The following NEURL1 variants were observed in gnomAD, a reference collection of about 807,000 sequenced individuals.
The protein encoded by NEURL1 is E3 ubiquitin-protein ligase NEURL1.
A neutral mutation model predicts 41.2 loss-of-function variants in NEURL1; 26 were observed. The observed-to-expected ratio is 0.63, with a 90% confidence interval of 0.46 to 0.87. The LOEUF (loss-of-function observed/expected upper bound fraction) is 0.87, where lower values mean the gene tolerates loss of function less well. Among genes scored for constraint, NEURL1 ranks in the 40% least tolerant of loss-of-function variants. The probability of loss-of-function intolerance (pLI) is 0.00; values close to 1 mark genes in which losing one functional copy is unlikely to be tolerated. For synonymous variants in NEURL1, 400 were observed against 402.3 expected (o/e 0.99, Z 0.07); for missense variants, 761 against 871.1 (o/e 0.87, Z 1.59).
chr10:103,504,303 T>C (rs1352757825), intron 1 of NEURL1, among the ~76,000 whole-genome samples: 2 of 152,174 alleles, frequency 1.3e-5, no homozygotes, highest in Non-Finnish European at 2.9e-5. Flanking sequence ...TTGTCATGTT[T>C]TCTTAGTCTC....
intron 3 of NEURL1, among the ~76,000 whole-genome samples, chr10:103,575,894 A>C (rs550558445): frequency 1.3e-5 from 2 of 152,380 alleles, no homozygotes; most frequent in Admixed American, 1.3e-4. Context: ...CTCCTATCCC[A>C]GTATCTCAAG....
rs2035395593 is a variant in NEURL1, at chr10:103,565,277, C to G, written c.86-5595C>G. ...ACCAGAGAGGCTTTTCAAGTGGTCT[C>G]CCCAGAGGTGGCTCAGTGGGTGATG... On this transcript the variant is annotated intron_variant, in intron 1 of 5. Transcript: ENST00000369780. Among the ~76,000 whole-genome samples the G allele has an allele frequency of 3.3e-5, 5 of 152,300 alleles. No individual in the cohort carries two copies. In the South Asian group the frequency reaches 1.0e-3, roughly 32 times the overall value.
At chr10:103,586,777 G>A (rs1219461002) in intron 4 of NEURL1, among the ~76,000 whole-genome samples, 6 of 152,112 alleles carry the variant, frequency 3.9e-5, no homozygotes, top group African/African-American at 9.7e-5. Context: ...GCCTGGGTGC[G>A]GTGGCTCACA....
At chr10:103,516,772 C>A (rs892875017) in intron 1 of NEURL1, among the ~76,000 whole-genome samples, 1 of 152,112 alleles carries the variant, frequency 6.6e-6, no homozygotes, top group African/African-American at 2.4e-5. Flanking sequence ...CCTCAGGGGA[C>A]CTGGAATAAC....
intron 3 of NEURL1, among the ~76,000 whole-genome samples, chr10:103,578,271 T>C (rs1564829662): frequency 1.3e-5 from 2 of 152,208 alleles, no homozygotes; most frequent in African/African-American, 4.8e-5. Context: ...TAAAAAGGAA[T>C]ACCTAATTTA....
intron 4 of NEURL1, among the ~76,000 whole-genome samples, chr10:103,586,828 T>C (rs1451437043): frequency 6.6e-6 from 1 of 152,092 alleles, no homozygotes; most frequent in Non-Finnish European, 1.5e-5. Flanking sequence ...GCAGATGTAT[T>C]GCTTGAGGCC....
At chr10:103,571,952 C>A in intron 3 of NEURL1, 130 bp downstream of exon 3, 2 of 924,936 alleles carry the variant, frequency 2.2e-6, no homozygotes, top group African/African-American at 1.7e-5. Context: ...GGAACCGGGG[C>A]AGCCCTGGGA....
intron 1 of NEURL1, among the ~76,000 whole-genome samples, chr10:103,553,618 C>T (rs923376214): frequency 6.6e-6 from 1 of 152,216 alleles, no homozygotes; most frequent in African/African-American, 2.4e-5. Context: ...CCCTCCTAAC[C>T]GCTTCCCCAG....
At chr10:103,540,085 C>A (rs2034787022) in intron 1 of NEURL1, among the ~76,000 whole-genome samples, 1 of 152,174 alleles carries the variant, frequency 6.6e-6, no homozygotes, top group Non-Finnish European at 1.5e-5. Context: ...AAAGAAAACA[C>A]TTAATATATT....
In NEURL1 at chr10:103,591,625, G is replaced by A. The variant is rs4917395; in HGVS notation, c.*1253G>A. On this transcript the variant is annotated 3_prime_UTR_variant, in exon 6 of 6. Coordinates refer to ENST00000369780, the MANE Select transcript of NEURL1 (RefSeq NM_004210.5). Reference sequence around the variant, plus strand: ...CCATAAGGAGGGGCCAAATTGGGAGGCCTTTTGGCAAACAGTGTCTATTTT... The same window carrying A: ...CCATAAGGAGGGGCCAAATTGGGAGACCTTTTGGCAAACAGTGTCTATTTT... The A allele has an allele frequency of 0.28, 42,161 of 152,078 alleles. 6,338 individuals are homozygous for A. Among genetic ancestry groups the A allele is most frequent in the East Asian group, 0.45 (2,325 of 5,152 alleles). The allele number at this position is 152,078 out of a possible 1,614,324, so 9.4% of individuals were successfully genotyped here.
At position 103,559,726 on chromosome 10, in the gene NEURL1, G is replaced by A. The variant is rs945541167; in HGVS notation, c.86-11146G>A. 2.6e-5 allele frequency among the ~76,000 whole-genome samples: 4 copies of A among 152,268 alleles called. No homozygotes were observed. The South Asian group carries it at 6.2e-4, about 24-fold the overall frequency. ...GGAAGGATTAAGTGAGCCAGTGGAC[G>A]CTAAGGGCAGTACACCTGGTACATA... On this transcript the variant is annotated intron_variant, in intron 1 of 5. Transcript: ENST00000369780.
chr10:103,539,516 T>C (rs1463157281), intron 1 of NEURL1, among the ~76,000 whole-genome samples: 2 of 152,220 alleles, frequency 1.3e-5, no homozygotes, highest in Non-Finnish European at 2.9e-5. Flanking sequence ...CATACCAACC[T>C]GTCATCAAGT....
chr10:103,573,848 G>A (rs148744716), intron 3 of NEURL1, among the ~76,000 whole-genome samples: 57 of 152,284 alleles, frequency 3.7e-4, no homozygotes, highest in African/African-American at 1.3e-3. Context: ...CAGTCCCAAA[G>A]CCCCCTCCCT....
intron 1 of NEURL1, among the ~76,000 whole-genome samples, chr10:103,536,994 T>G (rs1304658277): frequency 6.6e-6 from 1 of 152,222 alleles, no homozygotes; most frequent in Non-Finnish European, 1.5e-5. Context: ...TCTAGGTATC[T>G]CAGATAAGTG....
At chr10:103,580,829 G>A (rs1359407219) in intron 3 of NEURL1, among the ~76,000 whole-genome samples, 1 of 152,160 alleles carries the variant, frequency 6.6e-6, no homozygotes, top group Admixed American at 6.5e-5. Flanking sequence ...CAAGGCTAAA[G>A]GGATCCTCTT....
chr10:103,519,802 G>A (rs1396155037), intron 1 of NEURL1, among the ~76,000 whole-genome samples: 5 of 146,922 alleles, frequency 3.4e-5, no homozygotes, highest in South Asian at 2.1e-4. Context: ...TTTTTTTTTC[G>A]AGACAGGGTC....
intron 1 of NEURL1, among the ~76,000 whole-genome samples, chr10:103,523,846 T>G (rs1026311333): frequency 2.0e-5 from 3 of 152,248 alleles, no homozygotes; most frequent in Admixed American, 6.5e-5. Flanking sequence ...ATTTACTTGT[T>G]GATCGACACT....
chr10:103,549,666 C>G (rs1275182036), intron 1 of NEURL1, among the ~76,000 whole-genome samples: 4 of 152,314 alleles, frequency 2.6e-5, no homozygotes, highest in African/African-American at 9.6e-5. Context: ...GAAGGAAACA[C>G]TATAGCAGCA....
chr10:103,584,578 T>A lies in NEURL1; in HGVS notation c.692T>A (p.Phe231Tyr), dbSNP rs2035856794. ...VLPDCLRPRS[F>Y]TALRRPSLRR... is the part of the protein sequence containing the mutation. Reference sequence around the variant, plus strand: ...CCGGACTGTCTGCGGCCGCGCTCCTTCACCGCCCTGCGGCGGCCGTCGCTG... The same window carrying A: ...CCGGACTGTCTGCGGCCGCGCTCCTACACCGCCCTGCGGCGGCCGTCGCTG... Residue 231 changes from phenylalanine (F) to tyrosine (Y), a missense_variant, in exon 4 of 6, where the codon TTC becomes TAC. Phe to Tyr is a conservative substitution (Grantham distance 22). This residue lies in a region of NEURL1 where 114 missense variants were observed against 144.8 expected (regional missense o/e 0.79). Transcript: ENST00000369780. The A allele has an allele frequency of 7.1e-7, 1 of 1,416,000 alleles. No homozygotes were observed. The allele number at this position is 1,416,000 out of a possible 1,614,324, so 87.7% of individuals were successfully genotyped here.
Sources: allele counts gnomAD v4.1 joint callset (sites outside exome capture counted in the v4.1 genomes callset), GRCh38; gene constraint gnomAD v4.1.1; regional missense constraint gnomAD v4.1.1; transcripts MANE v1.5; gene names NCBI Gene and HGNC (gene_info 2026-07-23, HGNC 2026-07-21).